FAM110B: variants seen among roughly 807,000 people sequenced by gnomAD.
FAM110B encodes the protein protein FAM110B.
Under a neutral mutation model 20.4 loss-of-function variants are expected in FAM110B, and 6 were observed. The ratio of observed to expected loss-of-function variants is 0.29; its 90% CI spans 0.16 to 0.58. The LOEUF (loss-of-function observed/expected upper bound fraction) is 0.58, where lower values mean the gene tolerates loss of function less well. Ranked by LOEUF, FAM110B falls within the 20% of genes least tolerant of loss-of-function variation. The pLI is 0.90. For synonymous variants in FAM110B, 226 were observed against 214.1 expected (o/e 1.06, Z -0.49); for missense variants, 434 against 498.2 (o/e 0.87, Z 1.23).
At chr8:58,108,958 A>G (rs1410365821) in intron 3 of FAM110B, among the ~76,000 whole-genome samples, 1 of 152,214 alleles carries the variant, frequency 6.6e-6, no homozygotes, top group Non-Finnish European at 1.5e-5. Context: ...CCCACCCAAC[A>G]ACCCTATTCA....
chr8:58,136,033 C>CA (rs1803604886), intron 3 of FAM110B, among the ~76,000 whole-genome samples: 1 of 97,814 alleles, frequency 1.0e-5, no homozygotes, highest in African/African-American at 4.1e-5. Context: ...TTTTTTTAGA[C>CA]AGAGTATTTA....
At chr8:58,046,286 A>G (rs1406688861) in intron 2 of FAM110B, among the ~76,000 whole-genome samples, 1 of 152,226 alleles carries the variant, frequency 6.6e-6, no homozygotes, top group Non-Finnish European at 1.5e-5. Flanking sequence ...ATATATATTA[A>G]TAACACAACT....
chr8:58,114,976 T>C (rs1807163575), intron 3 of FAM110B, among the ~76,000 whole-genome samples: 1 of 151,272 alleles, frequency 6.6e-6, no homozygotes, highest in African/African-American at 2.4e-5. Flanking sequence ...CCGAGTGCTT[T>C]GGGGTCACCA....
intron 2 of FAM110B, among the ~76,000 whole-genome samples, chr8:58,067,109 C>T (rs188086676): frequency 1.3e-5 from 2 of 152,274 alleles, no homozygotes; most frequent in African/African-American, 4.8e-5. Flanking sequence ...ATGCGTGAAC[C>T]CTAACTTTTT....
intron 1 of FAM110B, among the ~76,000 whole-genome samples, chr8:57,998,955 G>T (rs1184075182): frequency 1.3e-5 from 2 of 152,182 alleles, no homozygotes; most frequent in Non-Finnish European, 2.9e-5. Context: ...AAGGGATTGA[G>T]TGAGATTTTT....
chr8:58,043,386 T>G (rs1006825706), intron 2 of FAM110B: 1 of 152,224 alleles, frequency 6.6e-6, no homozygotes, highest in Non-Finnish European at 1.5e-5. Flanking sequence ...TAAAACAGAT[T>G]GGTCTGCTGA....
intron 2 of FAM110B, among the ~76,000 whole-genome samples, chr8:58,054,202 A>G (rs1041951460): frequency 2.6e-5 from 4 of 152,220 alleles, no homozygotes; most frequent in African/African-American, 7.2e-5. Context: ...CTTAAAATGC[A>G]TAAGGAGGCA....
At chr8:58,001,106 G>A (rs559548981) in intron 1 of FAM110B, among the ~76,000 whole-genome samples, 21 of 152,244 alleles carry the variant, frequency 1.4e-4, no homozygotes, top group Middle Eastern at 6.8e-3. Context: ...CAGTTTTTGC[G>A]GGGATAGACT....
chr8:58,101,794 A>G (rs1336930143), intron 3 of FAM110B, among the ~76,000 whole-genome samples: 1 of 152,160 alleles, frequency 6.6e-6, no homozygotes, highest in African/African-American at 2.4e-5. Context: ...GATGGCATCC[A>G]GTGGCTCACC....
At chr8:58,088,272 A>G (rs980243987) in intron 3 of FAM110B, among the ~76,000 whole-genome samples, 3 of 152,128 alleles carry the variant, frequency 2.0e-5, no homozygotes, top group African/African-American at 7.2e-5. Context: ...TCATTCATAT[A>G]TATATTCAGT....
In FAM110B at chr8:58,118,447, C is replaced by T. The variant is rs183381870; in HGVS notation, c.-324-27460C>T. Among the ~76,000 whole-genome samples, 48 of 152,288 alleles carry T rather than the reference C, an allele frequency of 3.2e-4. No homozygotes were observed. In the East Asian group the frequency reaches 8.3e-3, roughly 26 times the overall value. ...TCTTTTTTGAAGGGGGTAGGGGAGA[C>T]CAAATTTCCGGTTGGGTCTGGGTGC... On this transcript the variant is annotated intron_variant, in intron 3 of 3. Coordinates refer to ENST00000519262, the MANE Select transcript of FAM110B (RefSeq NM_001377989.1).
chr8:58,028,293 C>T (rs1017332053), intron 1 of FAM110B, among the ~76,000 whole-genome samples: 18 of 152,150 alleles, frequency 1.2e-4, no homozygotes, highest in South Asian at 8.3e-4. Context: ...TTAGTAGAGA[C>T]GGGGTTTCAC....
At chr8:58,006,609 T>A (rs1804407922) in intron 1 of FAM110B, among the ~76,000 whole-genome samples, 1 of 151,840 alleles carries the variant, frequency 6.6e-6, no homozygotes, top group Non-Finnish European at 1.5e-5. Flanking sequence ...AATTGATTTT[T>A]TTTTTTTTTT....
chr8:58,105,276 A>G (rs1806879688), intron 3 of FAM110B, among the ~76,000 whole-genome samples: 1 of 152,184 alleles, frequency 6.6e-6, no homozygotes, highest in Admixed American at 6.5e-5. Context: ...AAACAAGTTA[A>G]TTAACTCCTG....
intron 2 of FAM110B, among the ~76,000 whole-genome samples, chr8:58,036,973 T>C (rs1305706114): frequency 6.6e-6 from 1 of 152,216 alleles, no homozygotes; most frequent in Admixed American, 6.5e-5. Flanking sequence ...TTTCCCTTAT[T>C]GTTATCCAAT....
chr8:58,122,764 C>T lies in FAM110B; in HGVS notation c.-324-23143C>T, dbSNP rs1807395762. ...TGTTTTCCTTCAGGTCGCTTTTGTT[C>T]TGTTTGATTATTTGAGTAGTCTCTG... On this transcript the variant is annotated intron_variant, in intron 3 of 3. Transcript: ENST00000519262. Among the ~76,000 whole-genome samples the T allele has an allele frequency of 2.0e-5, 3 of 151,016 alleles. No individual in the cohort carries two copies. The South Asian group carries it at 6.6e-4, about 33-fold the overall frequency.
chr8:58,137,617 C>A (rs948827324), intron 3 of FAM110B, among the ~76,000 whole-genome samples: 1 of 152,066 alleles, frequency 6.6e-6, no homozygotes, highest in Non-Finnish European at 1.5e-5. Context: ...CCTGACCAAG[C>A]ACTTTCATGT....
intron 2 of FAM110B, among the ~76,000 whole-genome samples, chr8:58,049,837 T>C (rs1382089855): frequency 6.6e-6 from 1 of 152,246 alleles, no homozygotes; most frequent in Non-Finnish European, 1.5e-5. Flanking sequence ...CTCTAATATT[T>C]ACTTTTTCTT....
intron 1 of FAM110B, among the ~76,000 whole-genome samples, chr8:57,998,400 G>A (rs547456022): frequency 5.9e-5 from 9 of 152,260 alleles, no homozygotes; most frequent in African/African-American, 1.7e-4. Flanking sequence ...CTTTCCCTTA[G>A]GTTAAAGGAG....
Sources: gnomAD v4.1 joint callset for allele counts (sites outside exome capture counted in the v4.1 genomes callset) on GRCh38, gnomAD v4.1.1 for gene constraint, MANE v1.5 for transcripts, NCBI Gene and HGNC (gene_info 2026-07-23, HGNC 2026-07-21) for gene names.